Variants in PADI4 observed in about 807,000 individuals in gnomAD.
PADI4 encodes peptidyl arginine deiminase 4.
In PADI4, 62 loss-of-function variants were observed where a neutral mutation model predicts 75.0. The observed-to-expected ratio is 0.83, with a 90% CI of 0.67 to 1.02. The LOEUF (loss-of-function observed/expected upper bound fraction) is 1.02. PADI4 is among the 50% of genes least tolerant of loss of function. The pLI, the probability that PADI4 is intolerant of heterozygous loss-of-function variation, is 0.00. For missense variants in PADI4, 845 were observed against 850.5 expected, an observed-to-expected ratio of 0.99 and a Z score of 0.08; for synonymous variants, 361 against 348.1, an observed-to-expected ratio of 1.04 and a Z score of -0.41.
intron 10 of PADI4, 147 bp downstream of exon 10, chr1:17,348,195 A>G (rs1250128739): frequency 1.1e-5 from 6 of 532,472 alleles, no homozygotes; most frequent in Non-Finnish European, 2.0e-5. Context: ...GGGAGCATGT[A>G]GGTGGGGCTT....
At chr1:17,308,404 A>G in intron 1 of PADI4, 90 bp downstream of exon 1, 1 of 995,350 alleles carries the variant, frequency 1.0e-6, no homozygotes, top group East Asian at 2.5e-5. Context: ...TGTTTGGCCC[A>G]GGCTCTAGGC....
chr1:17,352,726 G>A (rs994638495), intron 10 of PADI4, among the ~76,000 whole-genome samples: 10 of 152,248 alleles, frequency 6.6e-5, no homozygotes, highest in African/African-American at 2.2e-4. Flanking sequence ...GAGAATGAGG[G>A]GGTGGGAAGA....
chr1:17,330,911 T>C, intron 1 of PADI4, 58 bp from the exon 2 acceptor site: 1 of 1,158,988 alleles, frequency 8.6e-7, no homozygotes. Flanking sequence ...GGGAGAGCCA[T>C]GGCTGGCCCA....
chr1:17,337,964 T>A, intron 4 of PADI4, 74 bp from the exon 5 acceptor site: 1 of 666,680 alleles, frequency 1.5e-6, no homozygotes. Flanking sequence ...TGATGGGGAG[T>A]TGCTATGCCT....
At chr1:17,340,502 G>A (rs1013941647) in intron 6 of PADI4, among the ~76,000 whole-genome samples, 10 of 152,202 alleles carry the variant, frequency 6.6e-5, no homozygotes, top group Admixed American at 5.2e-4. Context: ...CTAGGGGAAG[G>A]GCGTTCCAGG....
rs763896520 is a variant in PADI4, at chr1:17,359,301, G to A, written c.1651G>A (p.Glu551Lys). The A allele has an allele frequency of 7.6e-6, 11 of 1,446,966 alleles. No individual in the cohort carries two copies. In the East Asian group the frequency reaches 3.0e-4, roughly 39 times the overall value. 89.6% of individuals were successfully genotyped at this position (1,446,966 alleles called of 1,614,324 possible). The change falls in exon 15 of 16, where the codon GAG becomes AAG. Residue 551 changes from glutamate to lysine, a missense_variant. Physicochemically the swap from Glu to Lys is moderately conservative, Grantham distance 56. Coordinates refer to ENST00000375448, the MANE Select transcript of PADI4 (RefSeq NM_012387.3). ...FVERCIDWNR[E>K]LLKRELGLAE... ...CAAGAGATGCATCGACTGGAACCGC[G>A]AGCTGCTGAAGCGGGAGCTGGGCCT... is the stretch of plus-strand genomic sequence containing the variant.
At chr1:17,337,488 G>A (rs543215800) in intron 4 of PADI4, among the ~76,000 whole-genome samples, 1 of 152,226 alleles carries the variant, frequency 6.6e-6, no homozygotes, top group African/African-American at 2.4e-5. Context: ...ACTGTCTTGG[G>A]CTCCTTTTTT....
In PADI4 at chr1:17,346,506, C is replaced by T. The variant is rs543069757; in HGVS notation, c.1047+367C>T. The stretch of plus-strand genomic sequence containing the variant: ...GCCACCAAAGCAGGTCACACCCCAG[C>T]TCCAGCACTTTCCATGGCTCCCATC... On this transcript the variant is annotated intron_variant, in intron 9 of 15. Coordinates refer to ENST00000375448, the MANE Select transcript of PADI4 (RefSeq NM_012387.3). The surrounding 1 kb of genome is among the most constrained non-coding windows in gnomAD (Gnocchi z 4.3). Among the ~76,000 whole-genome samples the T allele has an allele frequency of 7.9e-5, 12 of 152,324 alleles. No individual in the cohort carries two copies. In the East Asian group the frequency reaches 2.3e-3, roughly 29 times the overall value.
At chr1:17,330,220 C>T (rs1350587829) in intron 1 of PADI4, among the ~76,000 whole-genome samples, 6 of 152,198 alleles carry the variant, frequency 3.9e-5, no homozygotes, top group Admixed American at 2.6e-4. Context: ...TCAGGGGATT[C>T]GCTTTCTGTC....
chr1:17,354,120 C>T (rs1359463913), intron 10 of PADI4, among the ~76,000 whole-genome samples: 4 of 150,970 alleles, frequency 2.6e-5, no homozygotes, highest in African/African-American at 7.3e-5. Context: ...CGTGGTGGGG[C>T]GTGCCTGTAG....
chr1:17,361,923 T>C (rs142646461), intron 15 of PADI4, among the ~76,000 whole-genome samples: 146 of 152,316 alleles, frequency 9.6e-4, no homozygotes, highest in African/African-American at 3.2e-3. Context: ...CTGGGAGTTA[T>C]GGGAACACAG....
intron 6 of PADI4, among the ~76,000 whole-genome samples, 177 bp downstream of exon 6, chr1:17,339,990 A>G (rs1292144789): frequency 6.6e-6 from 1 of 152,076 alleles, no homozygotes; most frequent in Non-Finnish European, 1.5e-5. Context: ...GTTGGAGGAC[A>G]CAGACAAAAT....
intron 1 of PADI4, among the ~76,000 whole-genome samples, chr1:17,325,973 G>C (rs775584921): frequency 2.6e-5 from 4 of 151,972 alleles, no homozygotes; most frequent in Non-Finnish European, 4.4e-5. Context: ...CAAAGTTCTA[G>C]GATTACAGGC....
rs770006249 is a variant in PADI4 at position 17,359,343 on chromosome 1, A to G, written c.1693A>G (p.Ile565Val). 2 of 1,613,728 alleles carry G rather than the reference A, an allele frequency of 1.2e-6. No individual in the cohort carries two copies. Among genetic ancestry groups the G allele is most frequent in the East Asian group, 4.5e-5 (2 of 44,838 alleles). Residue 565 changes from isoleucine to valine, a missense_variant, in exon 15 of 16, where the codon ATT (isoleucine) becomes GTT (valine). Coordinates refer to ENST00000375448, the MANE Select transcript of PADI4 (RefSeq NM_012387.3). The part of the protein sequence containing the change: ...RELGLAESDI[I>V]DIPQLFKLKE... ...GCTGGGCCTGGCCGAGAGTGACATC[A>G]TTGACATCCCGCAGCTCTTCAAGCT...
Position 17,331,275 on chromosome 1 carries a change from A to G in PADI4, c.273+126A>G. ...CTCTTGCCCTGTGGAAGAGCTCGTG[A>G]TGGCTTCTTCCAGCCATAGTGTCCT... On this transcript the variant is annotated intron_variant, in intron 2 of 15. Coordinates refer to ENST00000375448, the MANE Select transcript of PADI4 (RefSeq NM_012387.3). 9.4e-6 allele frequency: 7 copies of G among 746,440 alleles called. No homozygotes were observed. In the South Asian group the frequency reaches 1.3e-4, roughly 14 times the overall value. The allele number at this position is 746,440 out of a possible 1,614,324, so 46.2% of individuals were successfully genotyped here.
At chr1:17,340,652 G>T (rs1407496447) in intron 6 of PADI4, among the ~76,000 whole-genome samples, 1 of 151,978 alleles carries the variant, frequency 6.6e-6, no homozygotes, top group African/African-American at 2.4e-5. Flanking sequence ...GGGCAGAGGG[G>T]AAGGGGGAGG....
At chr1:17,342,447 C>T (rs1183719371) in intron 8 of PADI4, 45 bp downstream of exon 8, 1 of 1,160,790 alleles carries the variant, frequency 8.6e-7, no homozygotes, top group African/African-American at 1.5e-5. Context: ...CAACAAAGAG[C>T]CTGAGTTCCA....
intron 6 of PADI4, among the ~76,000 whole-genome samples, chr1:17,340,725 G>T (rs896155789): frequency 7.0e-6 from 1 of 142,878 alleles, no homozygotes; most frequent in Non-Finnish European, 1.5e-5. Flanking sequence ...CCATGGGAGG[G>T]TTTTTTTTTT....
intron 2 of PADI4, among the ~76,000 whole-genome samples, chr1:17,332,040 C>A (rs1483496524): frequency 6.6e-6 from 1 of 152,184 alleles, no homozygotes; most frequent in East Asian, 1.9e-4. Flanking sequence ...TTTCTGGAGG[C>A]TCCAGGGGAG....
Sources: allele counts gnomAD v4.1 joint callset (sites outside exome capture counted in the v4.1 genomes callset), GRCh38; gene constraint gnomAD v4.1.1; non-coding constraint Gnocchi (gnomAD v3.1); transcripts MANE v1.5; gene names NCBI Gene and HGNC (gene_info 2026-07-23, HGNC 2026-07-21).